Variants in ERBB4 observed in about 807,000 individuals in gnomAD.
ERBB4 encodes the protein receptor tyrosine-protein kinase erbB-4.
In ERBB4, 42 loss-of-function variants were observed where a neutral mutation model predicts 158.0. The ratio of observed to expected loss-of-function variants is 0.27; its 90% CI spans 0.21 to 0.34. The LOEUF is 0.34. Among genes scored for constraint, ERBB4 ranks in the 10% least tolerant of loss-of-function variants. The pLI is 1.00. For synonymous variants in ERBB4, 583 were observed against 558.7 expected, an observed-to-expected ratio of 1.04 and a Z score of -0.61; for missense variants, 1,333 against 1,624.1, an observed-to-expected ratio of 0.82 and a Z score of 3.08.
chr2:211,888,858 A>C (rs1348406893), intron 3 of ERBB4, among the ~76,000 whole-genome samples: 9 of 151,698 alleles, frequency 5.9e-5, no homozygotes, highest in South Asian at 2.1e-4. Flanking sequence ...AAAAACGGCG[A>C]ACCATGAGAT....
intron 1 of ERBB4, among the ~76,000 whole-genome samples, chr2:212,180,992 T>C (rs150025462): frequency 5.1e-4 from 77 of 151,794 alleles, no homozygotes; most frequent in African/African-American, 1.8e-3. Flanking sequence ...GTATCTCCCA[T>C]GTAATAAGCC....
intron 2 of ERBB4, among the ~76,000 whole-genome samples, chr2:212,070,879 T>C (rs2078095159): frequency 6.6e-6 from 1 of 152,032 alleles, no homozygotes; most frequent in Non-Finnish European, 1.5e-5. Flanking sequence ...CTTTTTTTAA[T>C]GTAAGCATAT....
intron 1 of ERBB4, among the ~76,000 whole-genome samples, chr2:212,422,036 C>T (rs906825853): frequency 6.6e-6 from 1 of 152,148 alleles, no homozygotes; most frequent in African/African-American, 2.4e-5. Flanking sequence ...ATAAGGGAAA[C>T]ATGCAGTTTT....
chr2:212,350,509 T>C (rs963166449), intron 1 of ERBB4, among the ~76,000 whole-genome samples: 1 of 152,112 alleles, frequency 6.6e-6, no homozygotes, highest in African/African-American at 2.4e-5. Flanking sequence ...ATTTAAAACA[T>C]GTGCCAACTA....
At chr2:212,322,107 C>T (rs2087593512) in intron 1 of ERBB4, among the ~76,000 whole-genome samples, 1 of 150,188 alleles carries the variant, frequency 6.7e-6, no homozygotes, top group African/African-American at 2.4e-5. Context: ...GAAAATTGAG[C>T]CTCTATGCAT....
At chr2:212,529,861 T>A (rs1015457747) in intron 1 of ERBB4, among the ~76,000 whole-genome samples, 2 of 152,032 alleles carry the variant, frequency 1.3e-5, no homozygotes, top group East Asian at 3.9e-4. Context: ...TTTGGCCAAG[T>A]AAAAGCACCA....
intron 2 of ERBB4, among the ~76,000 whole-genome samples, chr2:211,990,875 G>T (rs1023709101): frequency 2.6e-5 from 4 of 151,650 alleles, no homozygotes; most frequent in Non-Finnish European, 4.4e-5. Context: ...TATGTGACTG[G>T]AACATTTTCA....
chr2:211,927,360 A>C (rs531495745), intron 3 of ERBB4, among the ~76,000 whole-genome samples: 12 of 152,318 alleles, frequency 7.9e-5, no homozygotes, highest in African/African-American at 2.4e-4. Context: ...TATAATATGG[A>C]TATATTCTGT....
rs544037822 is a variant in ERBB4 at position 212,495,743 on chromosome 2, C to A, written c.82+42706G>T. On this transcript the variant is annotated intron_variant, in intron 1 of 27. Coordinates refer to ENST00000342788, the MANE Select transcript of ERBB4 (RefSeq NM_005235.3). ...ATTATCTTTCCTACAAAATCAGATCCCTTAAATTACATAGACGAATGTCAT... is the reference window on the plus strand; with the variant it reads ...ATTATCTTTCCTACAAAATCAGATCACTTAAATTACATAGACGAATGTCAT... Among the ~76,000 whole-genome samples, 9 of 152,134 alleles carry A rather than the reference C, an allele frequency of 5.9e-5. No individual in the cohort carries two copies. In the East Asian group the frequency reaches 1.7e-3, roughly 29 times the overall value.
chr2:212,386,231 T>A (rs1271206350), intron 1 of ERBB4, among the ~76,000 whole-genome samples: 1 of 152,020 alleles, frequency 6.6e-6, no homozygotes, highest in African/African-American at 2.4e-5. Flanking sequence ...ATTGCCAAAC[T>A]TCTATATTTG....
At chr2:212,170,712 G>A (rs2125670813) in intron 1 of ERBB4, among the ~76,000 whole-genome samples, 1 of 152,086 alleles carries the variant, frequency 6.6e-6, no homozygotes, top group East Asian at 1.9e-4. Flanking sequence ...CTTGGTCATT[G>A]CCCGAGCCTT....
intron 1 of ERBB4, among the ~76,000 whole-genome samples, chr2:212,501,607 T>C (rs916674162): frequency 2.0e-5 from 3 of 152,148 alleles, no homozygotes; most frequent in African/African-American, 7.2e-5. Flanking sequence ...AAGGATTAAG[T>C]ATGTACCCTG....
At chr2:212,246,256 G>A (rs57190982) in intron 1 of ERBB4, among the ~76,000 whole-genome samples, 15,756 of 152,208 alleles carry the variant, frequency 0.1, 973 homozygotes, top group African/African-American at 0.18. Context: ...GATGAGAACT[G>A]TAAATTGCTT....
chr2:212,527,506 T>C (rs1395930104), intron 1 of ERBB4, among the ~76,000 whole-genome samples: 2 of 152,118 alleles, frequency 1.3e-5, no homozygotes, highest in South Asian at 2.1e-4. Context: ...GGAAGAGCAA[T>C]ATTCCTAAAA....
At chr2:211,458,841 G>C (rs893353403) in intron 20 of ERBB4, among the ~76,000 whole-genome samples, 1 of 152,116 alleles carries the variant, frequency 6.6e-6, no homozygotes, top group African/African-American at 2.4e-5. Context: ...AATACTTCCT[G>C]AATCTCCTGC....
intron 1 of ERBB4, among the ~76,000 whole-genome samples, chr2:212,246,725 A>T (rs553914629): frequency 5.3e-5 from 8 of 152,272 alleles, no homozygotes; most frequent in African/African-American, 1.9e-4. Context: ...CGTGATGCTG[A>T]GGAATAAGTA....
rs559903467 is a variant in ERBB4 at position 212,348,395 on chromosome 2, G to A, written c.82+190054C>T. 1.8e-4 allele frequency among the ~76,000 whole-genome samples: 27 copies of A among 152,198 alleles called. No homozygotes were observed. The South Asian group carries it at 5.2e-3, about 29-fold the overall frequency. ...AAAATCAGCACAGGAAGATGAGAGT[G>A]AAGTTAAACACATATTCATTAAAGA... is the stretch of plus-strand genomic sequence containing the variant. On this transcript the variant is annotated intron_variant, in intron 1 of 27. Transcript: ENST00000342788.
At chr2:212,345,243 G>C (rs2088932587) in intron 1 of ERBB4, among the ~76,000 whole-genome samples, 1 of 60,792 alleles carries the variant, frequency 1.6e-5, no homozygotes, top group Non-Finnish European at 3.8e-5. Context: ...TCCAGCCTGG[G>C]GGACAGAGCA....
At chr2:211,801,901 C>G (rs1185098815) in intron 3 of ERBB4, among the ~76,000 whole-genome samples, 2 of 152,134 alleles carry the variant, frequency 1.3e-5, no homozygotes, top group Non-Finnish European at 2.9e-5. Context: ...GTGATAATCT[C>G]TAGTTCATGC....
Sources: gnomAD v4.1 joint callset for allele counts (sites outside exome capture counted in the v4.1 genomes callset) on GRCh38, gnomAD v4.1.1 for gene constraint, MANE v1.5 for transcripts, NCBI Gene and HGNC (gene_info 2026-07-23, HGNC 2026-07-21) for gene names.